RASAL2: variants seen among roughly 807,000 people sequenced by gnomAD.
The protein encoded by RASAL2 is RAS protein activator like 2.
A neutral mutation model predicts 128.9 loss-of-function variants in RASAL2; 58 were observed. That is an observed-to-expected ratio of 0.45 (90% CI 0.36 to 0.56). The LOEUF is 0.56. Ranked by LOEUF, RASAL2 falls within the 20% of genes least tolerant of loss-of-function variation. The pLI, the probability that RASAL2 is intolerant of heterozygous loss-of-function variation, is 0.00. For synonymous variants in RASAL2, 561 were observed against 580.8 expected (o/e 0.97, Z 0.49); for missense variants, 1,360 against 1,601.6 (o/e 0.85, Z 2.57).
chr1:178,320,323 C>G (rs1668699510), intron 3 of RASAL2, among the ~76,000 whole-genome samples: 2 of 152,240 alleles, frequency 1.3e-5, no homozygotes, highest in African/African-American at 4.8e-5. Context: ...GGGCTCCACC[C>G]AGTTCGAGCT....
At chr1:178,218,922 A>G (rs1370107918) in intron 1 of RASAL2, among the ~76,000 whole-genome samples, 1 of 152,254 alleles carries the variant, frequency 6.6e-6, no homozygotes. Context: ...TTCTCTAGCT[A>G]TGAAAAGTCC....
intron 3 of RASAL2, among the ~76,000 whole-genome samples, chr1:178,389,625 T>C (rs149127882): frequency 1.9e-4 from 29 of 152,360 alleles, no homozygotes; most frequent in African/African-American, 7.0e-4. Flanking sequence ...ATGGCCCTTT[T>C]GTTGCAGTCT....
chr1:178,320,799 G>A (rs1018850239), intron 3 of RASAL2, among the ~76,000 whole-genome samples: 10 of 152,210 alleles, frequency 6.6e-5, no homozygotes, highest in Non-Finnish European at 1.0e-4. Flanking sequence ...GTTCCTATTC[G>A]GCCATCTTGG....
intron 4 of RASAL2, among the ~76,000 whole-genome samples, chr1:178,416,728 G>C (rs1674782119): frequency 6.6e-6 from 1 of 151,856 alleles, no homozygotes; most frequent in Non-Finnish European, 1.5e-5. Context: ...TAGTTTTGCA[G>C]GTTATAGAAT....
At chr1:178,116,888 A>C (rs2102262792) in intron 1 of RASAL2, among the ~76,000 whole-genome samples, 1 of 152,222 alleles carries the variant, frequency 6.6e-6, no homozygotes, top group African/African-American at 2.4e-5. Flanking sequence ...GGGATTACCC[A>C]CCACACCTGG....
chr1:178,420,831 G>T (rs180713918), intron 5 of RASAL2, among the ~76,000 whole-genome samples: 118 of 152,208 alleles, frequency 7.8e-4, no homozygotes, highest in Non-Finnish European at 2.4e-4. Context: ...AGAGTTTGTG[G>T]ATACATAAAA....
intron 3 of RASAL2, among the ~76,000 whole-genome samples, chr1:178,307,510 C>T (rs1256295896): frequency 6.6e-6 from 1 of 152,074 alleles, no homozygotes; most frequent in Non-Finnish European, 1.5e-5. Context: ...ACAAATAATA[C>T]TGGAAGGCAT....
At chr1:178,129,361 T>C (rs1375039077) in intron 1 of RASAL2, among the ~76,000 whole-genome samples, 1 of 152,174 alleles carries the variant, frequency 6.6e-6, no homozygotes, top group Non-Finnish European at 1.5e-5. Flanking sequence ...TTGAACACCT[T>C]GTTATGTGCT....
intron 1 of RASAL2, among the ~76,000 whole-genome samples, chr1:178,133,187 A>G (rs1660185578): frequency 6.6e-6 from 1 of 152,174 alleles, no homozygotes; most frequent in Non-Finnish European, 1.5e-5. Context: ...TCATCCTTCT[A>G]CTGCATCCCT....
chr1:178,128,965 C>T lies in RASAL2; in HGVS notation c.202+34271C>T, dbSNP rs980050620. ...TTAGTAGATGGACATTTGGGTTGTT[C>T]GGCTATTATGAATAATGCTACTATG... is the stretch of plus-strand genomic sequence containing the variant. On this transcript the variant is annotated intron_variant, in intron 1 of 17. Coordinates refer to ENST00000367649, the MANE Select transcript of RASAL2 (RefSeq NM_170692.4). Among the ~76,000 whole-genome samples, 7 of 151,800 alleles carry T rather than the reference C, an allele frequency of 4.6e-5. No individual in the cohort carries two copies. The East Asian group carries it at 7.7e-4, about 17-fold the overall frequency.
intron 3 of RASAL2, among the ~76,000 whole-genome samples, chr1:178,357,534 T>G (rs1670875848): frequency 6.6e-6 from 1 of 152,020 alleles, no homozygotes; most frequent in African/African-American, 2.4e-5. Flanking sequence ...CTAATTAGTT[T>G]TTCCTTTCAA....
At chr1:178,472,330 A>G (rs1436875651) in intron 17 of RASAL2, among the ~76,000 whole-genome samples, 2 of 152,082 alleles carry the variant, frequency 1.3e-5, no homozygotes, top group Non-Finnish European at 2.9e-5. Flanking sequence ...TCAGAGACTC[A>G]AAAGTAAAAT....
At chr1:178,138,189 T>C (rs1660396827) in intron 1 of RASAL2, among the ~76,000 whole-genome samples, 1 of 152,196 alleles carries the variant, frequency 6.6e-6, no homozygotes. Flanking sequence ...ATGTCTTTAT[T>C]TGACTGCACA....
rs1220193203 is a variant in RASAL2, at chr1:178,457,983, C to T, written c.2691C>T (p.Pro897=). The T allele has an allele frequency of 6.8e-6, 11 of 1,613,982 alleles. No individual in the cohort carries two copies. Among genetic ancestry groups the T allele is most frequent in the Non-Finnish European group, 8.5e-6 (10 of 1,180,028 alleles). ...IKQLRETQST[P]QSAPQVRRPL... ...AGCTGCGGGAAACCCAGAGCACTCC[C>T]CAAAGTGCACCCCAAGTGAGAAGGC... The change falls in exon 14 of 18, where the codon CCC becomes CCT. Residue 897 remains proline, a synonymous_variant. Coordinates refer to ENST00000367649, the MANE Select transcript of RASAL2 (RefSeq NM_170692.4).
intron 1 of RASAL2, among the ~76,000 whole-genome samples, chr1:178,133,328 C>T (rs964227716): frequency 1.3e-5 from 2 of 152,138 alleles, no homozygotes; most frequent in African/African-American, 4.8e-5. Flanking sequence ...TGTTATCTGC[C>T]TTTCCATGAT....
chr1:178,181,519 G>A (rs1662107950), intron 1 of RASAL2, among the ~76,000 whole-genome samples: 2 of 151,920 alleles, frequency 1.3e-5, no homozygotes, highest in South Asian at 2.1e-4. Context: ...CACCGTGCCC[G>A]GCTAATTTTT....
intron 13 of RASAL2, 101 bp from the exon 14 acceptor site, chr1:178,457,582 C>T (rs1277136821): frequency 3.3e-6 from 4 of 1,198,326 alleles, no homozygotes; most frequent in East Asian, 4.8e-5. Context: ...TGTACGTATC[C>T]ACATAAGAAC....
At position 178,457,799 on chromosome 1, in the gene RASAL2, A is replaced by G. The variant is rs751949336; in HGVS notation, c.2507A>G (p.Asp836Gly). ...CAGAGCATGACTTATTCTGAAAAGG[A>G]TGAAAGGGAAAGTAGCCTTCCTAAT... ...SSQSMTYSEK[D>G]ERESSLPNGR... The change falls in exon 14 of 18, where the codon GAT (aspartate) becomes GGT (glycine). Residue 836 changes from aspartate to glycine, a missense_variant. Physicochemically the swap from Asp to Gly is moderately conservative, Grantham distance 94 (BLOSUM62 -1). This residue lies in a region of RASAL2 where 741 missense variants were observed against 868.6 expected (regional missense o/e 0.85). Transcript: ENST00000367649. The G allele has an allele frequency of 2.5e-6, 4 of 1,614,202 alleles. No homozygotes were observed. The South Asian group carries it at 3.3e-5, about 13-fold the overall frequency.
intron 3 of RASAL2, among the ~76,000 whole-genome samples, chr1:178,328,921 T>C (rs1669163425): frequency 6.6e-6 from 1 of 152,188 alleles, no homozygotes; most frequent in Non-Finnish European, 1.5e-5. Flanking sequence ...CTTCTCTTCC[T>C]CTCCCCAGCT....
Sources: allele counts gnomAD v4.1 joint callset (sites outside exome capture counted in the v4.1 genomes callset), GRCh38; gene constraint gnomAD v4.1.1; regional missense constraint gnomAD v4.1.1; transcripts MANE v1.5; gene names NCBI Gene and HGNC (gene_info 2026-07-23, HGNC 2026-07-21).